RAPGEF4: variants seen among roughly 807,000 people sequenced by gnomAD.
RAPGEF4 encodes RAP guanine-nucleotide-exchange factor (GEF) 4.
A neutral mutation model predicts 147.9 loss-of-function variants in RAPGEF4; 66 were observed. The observed-to-expected ratio is 0.45, with a 90% confidence interval of 0.37 to 0.55. The LOEUF is 0.55. RAPGEF4 is among the 20% of genes least tolerant of loss of function. The probability of loss-of-function intolerance (pLI) is 0.00; values close to 1 mark genes in which losing one functional copy is unlikely to be tolerated. For missense variants in RAPGEF4, 1,071 were observed against 1,257.3 expected (o/e 0.85, Z 2.24); for synonymous variants, 419 against 442.7 (o/e 0.95, Z 0.67).
chr2:172,993,321 A>C (rs1334319513), intron 15 of RAPGEF4, among the ~76,000 whole-genome samples: 1 of 152,138 alleles, frequency 6.6e-6, no homozygotes, highest in Non-Finnish European at 1.5e-5. Context: ...AAAGAATTTG[A>C]AATGCATATT....
intron 1 of RAPGEF4, among the ~76,000 whole-genome samples, chr2:172,765,029 G>A (rs1282918313): frequency 1.3e-5 from 2 of 152,224 alleles, no homozygotes; most frequent in Non-Finnish European, 2.9e-5. Flanking sequence ...TGAAGGCGTT[G>A]TCAGGACAGT....
intron 1 of RAPGEF4, 97 bp from the exon 2 acceptor site, chr2:172,794,928 T>C: frequency 8.3e-7 from 1 of 1,206,802 alleles, no homozygotes; most frequent in Non-Finnish European, 1.2e-6. Context: ...AAGTGGGATA[T>C]TTGGGTAAAT....
At chr2:173,047,039 C>T (rs75802533) in intron 29 of RAPGEF4, among the ~76,000 whole-genome samples, 5 of 152,104 alleles carry the variant, frequency 3.3e-5, no homozygotes, top group Non-Finnish European at 5.9e-5. Flanking sequence ...GCTCAGAGAT[C>T]GGGGAGTCTC....
intron 4 of RAPGEF4, among the ~76,000 whole-genome samples, chr2:172,827,006 A>T (rs1230726396): frequency 1.3e-5 from 2 of 152,134 alleles, no homozygotes; most frequent in East Asian, 3.9e-4. Flanking sequence ...ATAGTGTTTT[A>T]AATGTTAGTG....
At chr2:172,870,387 T>C (rs1168497358) in intron 4 of RAPGEF4, among the ~76,000 whole-genome samples, 6 of 152,230 alleles carry the variant, frequency 3.9e-5, no homozygotes, top group Non-Finnish European at 8.8e-5. Flanking sequence ...CATGTCTTTT[T>C]TGAATAAGGA....
intron 4 of RAPGEF4, among the ~76,000 whole-genome samples, chr2:172,834,894 T>A (rs1463023589): frequency 6.6e-6 from 1 of 152,230 alleles, no homozygotes; most frequent in Non-Finnish European, 1.5e-5. Context: ...AGGTGAAATA[T>A]TACATTTTGT....
At chr2:172,803,950 A>G (rs1212296186) in intron 3 of RAPGEF4, among the ~76,000 whole-genome samples, 1 of 152,130 alleles carries the variant, frequency 6.6e-6, no homozygotes, top group Non-Finnish European at 1.5e-5. Flanking sequence ...CCTCATCTCC[A>G]TCTGAGACTA....
intron 17 of RAPGEF4, among the ~76,000 whole-genome samples, chr2:173,004,597 GT>G (rs1694258217): frequency 6.6e-6 from 1 of 151,710 alleles, no homozygotes; most frequent in Admixed American, 6.6e-5. Flanking sequence ...GCAATATTTT[GT>G]GACTATCTTT....
chr2:172,992,469 A>G (rs1397273918), intron 15 of RAPGEF4, among the ~76,000 whole-genome samples: 1 of 152,258 alleles, frequency 6.6e-6, no homozygotes, highest in African/African-American at 2.4e-5. Flanking sequence ...AATTATGCTT[A>G]CTGAAAAGGC....
chr2:172,912,863 C>T (rs1683588771), intron 4 of RAPGEF4, among the ~76,000 whole-genome samples: 1 of 148,354 alleles, frequency 6.7e-6, no homozygotes, highest in Non-Finnish European at 1.5e-5. Context: ...GTGTGAGTGT[C>T]TTCCATCTTC....
chr2:172,769,422 GTC>G (rs1697151192), intron 1 of RAPGEF4, among the ~76,000 whole-genome samples: 1 of 152,196 alleles, frequency 6.6e-6, no homozygotes, highest in South Asian at 2.1e-4. Flanking sequence ...CTGGGACAAA[GTC>G]TGTCTGAGCT....
chr2:172,779,098 A>G (rs1684443584), intron 1 of RAPGEF4, among the ~76,000 whole-genome samples: 1 of 152,182 alleles, frequency 6.6e-6, no homozygotes, highest in African/African-American at 2.4e-5. Flanking sequence ...TATTTCAGCA[A>G]TGTTTATTGG....
intron 4 of RAPGEF4, chr2:172,889,769 A>T: frequency 1.1e-6 from 1 of 937,806 alleles, no homozygotes; most frequent in South Asian, 4.9e-5. Context: ...AAATTTTAAA[A>T]ATATAGATAG....
chr2:173,016,525 T>C (rs757656199), intron 19 of RAPGEF4, 88 bp downstream of exon 19: 3 of 1,102,194 alleles, frequency 2.7e-6, no homozygotes, highest in Non-Finnish European at 4.1e-6. Flanking sequence ...AAGCTGGTCT[T>C]TCCATAGCCA....
At chr2:172,878,142 G>A (rs964526815) in intron 4 of RAPGEF4, among the ~76,000 whole-genome samples, 6 of 152,198 alleles carry the variant, frequency 3.9e-5, no homozygotes, top group African/African-American at 7.2e-5. Context: ...GAAAAACAGC[G>A]TAAGGTTAGA....
At chr2:172,994,298 G>T (rs1459748336) in intron 15 of RAPGEF4, among the ~76,000 whole-genome samples, 1 of 152,170 alleles carries the variant, frequency 6.6e-6, no homozygotes, top group African/African-American at 2.4e-5. Context: ...ATTACATGGA[G>T]AATTTCCTGT....
At chr2:172,884,170 A>C (rs1478546717) in intron 4 of RAPGEF4, among the ~76,000 whole-genome samples, 1 of 152,194 alleles carries the variant, frequency 6.6e-6, no homozygotes, top group Non-Finnish European at 1.5e-5. Context: ...AACTGTTAAA[A>C]TGTATGAGGT....
At chr2:172,797,345 A>T (rs1686477188) in intron 2 of RAPGEF4, among the ~76,000 whole-genome samples, 180 bp from the exon 3 acceptor site, 1 of 152,234 alleles carries the variant, frequency 6.6e-6, no homozygotes, top group African/African-American at 2.4e-5. Flanking sequence ...TAAATAGGAT[A>T]TAGCTTTGTT....
At chr2:172,969,300 C>T (rs1690209871) in intron 10 of RAPGEF4, among the ~76,000 whole-genome samples, 1 of 152,238 alleles carries the variant, frequency 6.6e-6, no homozygotes. Context: ...AAGAAGGCTT[C>T]TCCTCCTTGG....
Sources: allele counts gnomAD v4.1 joint callset (sites outside exome capture counted in the v4.1 genomes callset), GRCh38; gene constraint gnomAD v4.1.1; transcripts MANE v1.5; gene names NCBI Gene and HGNC (gene_info 2026-07-23, HGNC 2026-07-21).